The following ZNF395 variants were observed in gnomAD, a reference collection of about 807,000 sequenced individuals.
The protein encoded by ZNF395 is HD gene regulatory region-binding protein 2.
In ZNF395, 20 loss-of-function variants were observed where a neutral mutation model predicts 57.7. That is an observed-to-expected ratio of 0.35 (90% CI 0.24 to 0.50). The LOEUF (loss-of-function observed/expected upper bound fraction) is 0.50. ZNF395 is among the 20% of genes least tolerant of loss of function. ZNF395 has a pLI of 0.97. For synonymous variants in ZNF395, 295 were observed against 275.9 expected, an observed-to-expected ratio of 1.07 and a Z score of -0.69; for missense variants, 606 against 671.2, an observed-to-expected ratio of 0.90 and a Z score of 1.07.
intron 1 of ZNF395, among the ~76,000 whole-genome samples, chr8:28,363,716 G>A (rs1801877837): frequency 6.6e-6 from 1 of 152,176 alleles, no homozygotes; most frequent in Non-Finnish European, 1.5e-5. Context: ...ATGAAGAAAG[G>A]GTAGTATTTC....
rs184560763 is a variant in ZNF395 at position 28,383,916 on chromosome 8, C to T, written c.-59+2477G>A. 2.6e-3 allele frequency among the ~76,000 whole-genome samples: 394 copies of T among 152,274 alleles called. 1 individual carries two copies. Among genetic ancestry groups the T allele is most frequent in the Non-Finnish European group, 4.4e-3 (298 of 68,014 alleles). On this transcript the variant is annotated intron_variant, in intron 1 of 9. Coordinates refer to ENST00000344423, the MANE Select transcript of ZNF395 (RefSeq NM_018660.3). ...TCCTTCTCTCCAAAATACACATTTC[C>T]GATTTCTCAAGTTACCAACTACAGC... is the stretch of plus-strand genomic sequence containing the variant.
At position 28,349,119 on chromosome 8, in the gene ZNF395, T is replaced by A. The variant is rs759574057; in HGVS notation, c.1430+6A>T. The A allele has an allele frequency of 1.3e-6, 2 of 1,565,522 alleles. No homozygotes were observed. Among genetic ancestry groups the A allele is most frequent in the Admixed American group, 3.9e-5 (2 of 51,924 alleles). ...AGAAGGCAGGGGACGACAGCGGACATCTCACCTGGCACCACTCTGGGCCCG... is the reference window on the plus strand; with the variant it reads ...AGAAGGCAGGGGACGACAGCGGACAACTCACCTGGCACCACTCTGGGCCCG... On this transcript the variant is annotated splice_donor_region_variant and intron_variant, in intron 9 of 9. Transcript: ENST00000344423.
chr8:28,349,203 C>T lies in ZNF395; in HGVS notation c.1352G>A (p.Ser451Asn). 6.4e-7 allele frequency: 1 copy of T among 1,557,566 alleles called. No homozygotes were observed. ...CGCAGGTGCTGGCTGCTGGGGCTCG[C>T]TGAAGCTTAGCGACCGGCTCCGGAC... ...SPVRSRSLSF[S>N]EPQQPAPAMK... Residue 451 changes from serine (S) to asparagine (N), a missense_variant, in exon 9 of 10, where the codon AGC becomes AAC. By Grantham distance (46) the Ser-to-Asn change is conservative (BLOSUM62 1). Around this residue, in one of 3 missense-constraint regions of ZNF395, gnomAD observed 261 missense variants for 240.3 expected, o/e 1.09. Transcript: ENST00000344423.
At chr8:28,371,495 C>T (rs150713532) in intron 1 of ZNF395, among the ~76,000 whole-genome samples, 63 of 152,266 alleles carry the variant, frequency 4.1e-4, no homozygotes, top group Middle Eastern at 3.4e-3. Flanking sequence ...TATGCTCTTT[C>T]TACTATGTTG....
Position 28,353,206 on chromosome 8 carries a change from G to T in ZNF395, c.786C>A (p.Phe262Leu). 1 of 1,610,176 alleles carries T rather than the reference G, an allele frequency of 6.2e-7. No individual in the cohort carries two copies. Among genetic ancestry groups the T allele is most frequent in the South Asian group, 1.1e-5 (1 of 90,980 alleles). Reference protein sequence around the residue: ...DHGFETDPDPFLLDEPAPRKR... With the variant: ...DHGFETDPDPLLLDEPAPRKR... ...TTCGTGGAGCTGGTTCGTCCAGCAG[G>T]AAAGGGTCAGGATCGGTCTCAAAGC... The change falls in exon 5 of 10, where the codon TTC (phenylalanine) becomes TTA (leucine). Residue 262 changes from phenylalanine to leucine, a missense_variant. By Grantham distance (22) the Phe-to-Leu change is conservative. Coordinates refer to ENST00000344423, the MANE Select transcript of ZNF395 (RefSeq NM_018660.3).
At position 28,351,486 on chromosome 8, in the gene ZNF395, G is replaced by T. The variant is rs200318888; in HGVS notation, c.1233+9C>A. The T allele has an allele frequency of 1.3e-6, 2 of 1,583,986 alleles. No homozygotes were observed. Among genetic ancestry groups the T allele is most frequent in the Non-Finnish European group, 1.7e-6 (2 of 1,159,794 alleles). On this transcript the variant is annotated intron_variant, in intron 7 of 9. Transcript: ENST00000344423. ...TGAGCCTGAGCCTCCAGCGAGCCCC[G>T]CCCCATACCTGGTATGCATGATCTG...
chr8:28,362,384 A>T (rs2129963093), intron 1 of ZNF395, among the ~76,000 whole-genome samples: 1 of 152,326 alleles, frequency 6.6e-6, no homozygotes, highest in East Asian at 1.9e-4. Flanking sequence ...CTGCTGTTCC[A>T]GTCCTCTGTT....
intron 4 of ZNF395, 21 bp from the exon 5 acceptor site, chr8:28,353,429 T>A (rs1174049882): frequency 6.7e-7 from 1 of 1,487,150 alleles, no homozygotes; most frequent in Non-Finnish European, 9.0e-7. Context: ...GAAGAAAAGA[T>A]GAGAGGACGC....
In ZNF395 at chr8:28,356,780, C is replaced by T; in HGVS notation, c.474-1G>A. 6.2e-7 allele frequency: 1 copy of T among 1,613,428 alleles called. No homozygotes were observed. Among genetic ancestry groups the T allele is most frequent in the Non-Finnish European group, 8.5e-7 (1 of 1,179,526 alleles). ...ATCCATTTCCACTGCGTCCGACTTC[C>T]TGGATTCACACGGATGAGTGGGAAA... On this transcript the variant is annotated splice_acceptor_variant, in intron 3 of 9. Transcript: ENST00000344423. LOFTEE classifies it high-confidence loss of function. This position sits in a 1 kb window ranked among gnomAD's most constrained non-coding sequence, Gnocchi z 4.0.
At chr8:28,379,360 A>AT (rs763678875) in intron 1 of ZNF395, among the ~76,000 whole-genome samples, 8 of 152,134 alleles carry the variant, frequency 5.3e-5, no homozygotes, top group Non-Finnish European at 7.3e-5. Context: ...ACTGCATTCA[A>AT]TTTTTTAAAA....
chr8:28,369,728 C>A (rs1022530839), intron 1 of ZNF395, among the ~76,000 whole-genome samples: 1 of 152,214 alleles, frequency 6.6e-6, no homozygotes, highest in African/African-American at 2.4e-5. Context: ...CCCGCCCACA[C>A]GGGTGGGGGC....
At chr8:28,353,986 G>A (rs1801750468) in intron 4 of ZNF395, among the ~76,000 whole-genome samples, 1 of 152,228 alleles carries the variant, frequency 6.6e-6, no homozygotes, top group Non-Finnish European at 1.5e-5. Flanking sequence ...ACCTGTGGGT[G>A]GAACAAACAA....
In ZNF395 at chr8:28,359,609, G is replaced by A. The variant is rs1283817751; in HGVS notation, c.456C>T (p.Asn152=). The change falls in exon 3 of 10, where the codon AAC becomes AAT. Residue 152 remains asparagine, a synonymous_variant. Coordinates refer to ENST00000344423, the MANE Select transcript of ZNF395 (RefSeq NM_018660.3). The surrounding 1 kb of genome is among the most constrained non-coding windows in gnomAD (Gnocchi z 4.7). ...QALAYRPVSR[N]IDVPKRKSDA... ...ACACAAACCTCTTTGGGACATCGAT[G>A]TTCCTGGAGACGGGCCTGTAGGCCA... The A allele has an allele frequency of 5.6e-6, 9 of 1,601,910 alleles. No homozygotes were observed. The highest frequency in any genetic ancestry group is 2.7e-5 in the African/African-American group (2 of 74,562).
rs775726895 is a variant in ZNF395, at chr8:28,349,217, C to T, written c.1338G>A (p.Arg446=). 6.5e-7 allele frequency: 1 copy of T among 1,549,632 alleles called. No homozygotes were observed. The highest frequency in any genetic ancestry group is 8.7e-7 in the Non-Finnish European group (1 of 1,148,378). Residue 446 remains arginine, a synonymous_variant, in exon 9 of 10, where the codon CGG becomes CGA. Transcript: ENST00000344423. Reference sequence around the variant, plus strand: ...GCTGGGGCTCGCTGAAGCTTAGCGACCGGCTCCGGACCTGGGCGTGGGGAG... The same window carrying T: ...GCTGGGGCTCGCTGAAGCTTAGCGATCGGCTCCGGACCTGGGCGTGGGGAG... ...AACSLSPVRS[R]SLSFSEPQQP...
rs1801787399 is a variant in ZNF395 at position 28,356,898 on chromosome 8, TC to T, written c.474-120del. Reference sequence around the variant, plus strand: ...ACAATCATCTTACACTTCTGGACTGTCCCCTCCAAGTGCCCCCAACTCCAAT... The same window carrying T: ...ACAATCATCTTACACTTCTGGACTGTCCCTCCAAGTGCCCCCAACTCCAAT... On this transcript the variant is annotated intron_variant, in intron 3 of 9. Coordinates refer to ENST00000344423, the MANE Select transcript of ZNF395 (RefSeq NM_018660.3). The surrounding 1 kb of genome is among the most constrained non-coding windows in gnomAD (Gnocchi z 4.0). 1 of 766,712 alleles carries T rather than the reference TC, an allele frequency of 1.3e-6. No homozygotes were observed. The highest frequency in any genetic ancestry group is 1.8e-5 in the South Asian group (1 of 56,422). The allele number at this position is 766,712 out of a possible 1,614,324, so 47.5% of individuals were successfully genotyped here.
chr8:28,371,779 T>C (rs572376144), intron 1 of ZNF395, among the ~76,000 whole-genome samples: 4 of 152,316 alleles, frequency 2.6e-5, no homozygotes, highest in African/African-American at 9.6e-5. Flanking sequence ...CTGGGCGCAG[T>C]GACTCACGCC....
chr8:28,381,135 G>A (rs1802104931), intron 1 of ZNF395, among the ~76,000 whole-genome samples: 1 of 152,000 alleles, frequency 6.6e-6, no homozygotes, highest in Non-Finnish European at 1.5e-5. Flanking sequence ...TCTGCCTCCG[G>A]GGTTCATGCC....
chr8:28,348,426 G>C lies in ZNF395; in HGVS notation c.*293C>G. ...CTAATCCCCTAGAGAGTGGGGATGTGGGAAACGGAGGGTAATTAATTCTTT... is the reference window on the plus strand; with the variant it reads ...CTAATCCCCTAGAGAGTGGGGATGTCGGAAACGGAGGGTAATTAATTCTTT... On this transcript the variant is annotated 3_prime_UTR_variant, in exon 10 of 10. Transcript: ENST00000344423. 1 of 393,260 alleles carries C rather than the reference G, an allele frequency of 2.5e-6. No homozygotes were observed. Among genetic ancestry groups the C allele is most frequent in the South Asian group, 2.2e-5 (1 of 45,942 alleles). 24.4% of individuals were successfully genotyped at this position (393,260 alleles called of 1,614,324 possible).
intron 8 of ZNF395, 119 bp from the exon 9 acceptor site, chr8:28,349,347 C>G: frequency 4.5e-6 from 3 of 660,562 alleles, no homozygotes; most frequent in Non-Finnish European, 7.1e-6. Flanking sequence ...CGCACCTTCT[C>G]AGGGAGAACA....
Sources: allele counts gnomAD v4.1 joint callset (sites outside exome capture counted in the v4.1 genomes callset), GRCh38; gene constraint gnomAD v4.1.1; regional missense constraint gnomAD v4.1.1; non-coding constraint Gnocchi (gnomAD v3.1); transcripts MANE v1.5; gene names NCBI Gene and HGNC (gene_info 2026-07-23, HGNC 2026-07-21).